ERICH3: variants seen among roughly 807,000 people sequenced by gnomAD.
ERICH3 encodes glutamate-rich protein 3.
A neutral mutation model predicts 131.1 loss-of-function variants in ERICH3; 126 were observed. The ratio of observed to expected loss-of-function variants is 0.96; its 90% confidence interval spans 0.83 to 1.11. ERICH3 has a LOEUF of 1.11. Among genes scored for constraint, ERICH3 ranks in the 50% most tolerant of loss-of-function variants. The pLI is 0.00. For synonymous variants in ERICH3, 695 were observed against 644.6 expected (o/e 1.08, Z -1.18); for missense variants, 2,050 against 1,810.7 (o/e 1.13, Z -2.40).
At chr1:74,584,874 T>C (rs1647260036) in intron 12 of ERICH3, among the ~76,000 whole-genome samples, 1 of 152,132 alleles carries the variant, frequency 6.6e-6, no homozygotes, top group African/African-American at 2.4e-5. Flanking sequence ...CATTCAGAAA[T>C]TGTATTTAGA....
chr1:74,658,648 AT>A (rs150865444), intron 1 of ERICH3, among the ~76,000 whole-genome samples: 1 of 152,078 alleles, frequency 6.6e-6, no homozygotes, highest in African/African-American at 2.4e-5. Context: ...AATGTCTGTC[AT>A]TTTTTTCCAC....
intron 11 of ERICH3, among the ~76,000 whole-genome samples, chr1:74,591,115 A>C (rs756825118): frequency 9.6e-4 from 146 of 152,294 alleles, no homozygotes; most frequent in Non-Finnish European, 8.8e-4. Context: ...ACATAGACAA[A>C]TATTTTTAGG....
intron 13 of ERICH3, among the ~76,000 whole-genome samples, chr1:74,575,141 T>C (rs1453511269): frequency 1.3e-5 from 2 of 152,218 alleles, no homozygotes; most frequent in East Asian, 1.9e-4. Context: ...TCTTCTCTAC[T>C]TTATACCCCA....
chr1:74,609,803 T>G (rs545099062), intron 9 of ERICH3, among the ~76,000 whole-genome samples: 1 of 152,134 alleles, frequency 6.6e-6, no homozygotes, highest in Non-Finnish European at 1.5e-5. Context: ...ATAGGCCTTA[T>G]TCTTTAATAT....
chr1:74,577,453 C>T (rs1647086063), intron 12 of ERICH3: 1 of 153,060 alleles, frequency 6.5e-6, no homozygotes. Flanking sequence ...TAGCCCAATG[C>T]CAAGGGTTCT....
Position 74,573,087 on chromosome 1 carries a change from C to T in ERICH3, c.2623G>A (p.Ala875Thr), listed in dbSNP as rs761705838. 6 of 1,613,974 alleles carry T rather than the reference C, an allele frequency of 3.7e-6. No individual in the cohort carries two copies. The Admixed American group carries it at 5.0e-5, about 13-fold the overall frequency. Residue 875 changes from alanine (A) to threonine (T), a missense_variant, in exon 14 of 15, where the codon GCT becomes ACT. Coordinates refer to ENST00000326665, the MANE Select transcript of ERICH3 (RefSeq NM_001002912.5). ...AGCATCAAGGCTTGCTTTTCAGGAGCCTCATCTTTACTCAGACCCACAGCA... is the reference window on the plus strand; with the variant it reads ...AGCATCAAGGCTTGCTTTTCAGGAGTCTCATCTTTACTCAGACCCACAGCA... ...KDAVGLSKDEAPEKQALMLTV... is the reference protein window; with the variant it reads ...KDAVGLSKDETPEKQALMLTV...
rs776460660 is a variant in ERICH3 at position 74,572,430 on chromosome 1, C to T, written c.3280G>A (p.Glu1094Lys). The change falls in exon 14 of 15, where the codon GAA (glutamate) becomes AAA (lysine). Residue 1094 changes from glutamate (E) to lysine (K), a missense_variant. Physicochemically the swap from Glu to Lys is moderately conservative, Grantham distance 56 (BLOSUM62 1). Transcript: ENST00000326665. The part of the protein sequence containing the change: ...NALKDEDAFK[E>K]EQKLKAEEGE... ...TCTTCCGCTTTAAGTTTTTGCTCTTCTTTAAAAGCATCTTCATCCTTGAGT... is the reference window on the plus strand; with the variant it reads ...TCTTCCGCTTTAAGTTTTTGCTCTTTTTTAAAAGCATCTTCATCCTTGAGT... The T allele has an allele frequency of 6.2e-7, 1 of 1,613,978 alleles. No individual in the cohort carries two copies. The highest frequency in any genetic ancestry group is 2.2e-5 in the East Asian group (1 of 44,866).
intron 12 of ERICH3, chr1:74,579,306 A>G (rs1471157328): frequency 1.4e-6 from 1 of 725,956 alleles, no homozygotes; most frequent in Non-Finnish European, 1.7e-6. Flanking sequence ...ATAGTCTATA[A>G]TATTAATAAT....
chr1:74,605,355 C>G (rs1278360951), intron 10 of ERICH3, among the ~76,000 whole-genome samples: 1 of 151,894 alleles, frequency 6.6e-6, no homozygotes, highest in Non-Finnish European at 1.5e-5. Flanking sequence ...TCTTTTTTAT[C>G]ATGCACATGT....
rs777337160 is a variant in ERICH3, at chr1:74,571,482, G to T, written c.4228C>A (p.Arg1410=). 1.2e-6 allele frequency: 2 copies of T among 1,614,000 alleles called. No individual in the cohort carries two copies. Among genetic ancestry groups the T allele is most frequent in the South Asian group, 2.2e-5 (2 of 91,072 alleles). ...GCTGCTGGCACTTCCTCCCCACTCC[G>T]TGCTAATTCCTCTACCACCACCTTC... ...AGKVVVEELA[R]SGEEVPAAEE... Residue 1410 remains arginine, a synonymous_variant, in exon 14 of 15, where the codon CGG becomes AGG. Coordinates refer to ENST00000326665, the MANE Select transcript of ERICH3 (RefSeq NM_001002912.5).
chr1:74,618,950 A>G (rs950745930), intron 8 of ERICH3, among the ~76,000 whole-genome samples: 2 of 152,218 alleles, frequency 1.3e-5, no homozygotes, highest in African/African-American at 4.8e-5. Context: ...TAGAAAGGGC[A>G]GATTCTTTTC....
intron 12 of ERICH3, 61 bp downstream of exon 12, chr1:74,589,570 T>A (rs1033423593): frequency 4.6e-6 from 7 of 1,508,842 alleles, no homozygotes; most frequent in Non-Finnish European, 6.4e-6. Context: ...CATAGTGCAA[T>A]GACCAAAATC....
intron 1 of ERICH3, among the ~76,000 whole-genome samples, chr1:74,666,220 A>G (rs1232651791): frequency 1.3e-5 from 2 of 152,112 alleles, no homozygotes; most frequent in Admixed American, 1.3e-4. Flanking sequence ...CTGCTCATCG[A>G]CCAAAAAAGT....
At chr1:74,641,812 A>T (rs1413951551) in intron 4 of ERICH3, among the ~76,000 whole-genome samples, 1 of 152,156 alleles carries the variant, frequency 6.6e-6, no homozygotes, top group East Asian at 1.9e-4. Flanking sequence ...TTAGGCAAAA[A>T]GTGTTCCATG....
intron 9 of ERICH3, 69 bp downstream of exon 9, chr1:74,612,554 A>C: frequency 7.6e-7 from 1 of 1,316,868 alleles, no homozygotes; most frequent in East Asian, 2.4e-5. Context: ...AGAGAAATGC[A>C]TTAGTAAAGG....
chr1:74,661,218 C>T (rs1272864633), intron 1 of ERICH3, among the ~76,000 whole-genome samples: 2 of 152,008 alleles, frequency 1.3e-5, no homozygotes, highest in African/African-American at 2.4e-5. Flanking sequence ...ATTTTAAATG[C>T]TCAGCCATTT....
rs748393986 is a variant in ERICH3, at chr1:74,572,175, C to G, written c.3535G>C (p.Gly1179Arg). ...TCTCTGGCTTCACTCAGTCTTTCCCCTCCTCCTTCTTTCCTCAGAGCTGTT... is the reference window on the plus strand; with the variant it reads ...TCTCTGGCTTCACTCAGTCTTTCCCGTCCTCCTTCTTTCCTCAGAGCTGTT... ...NITALRKEGG[G>R]ERLSEARDTE... Residue 1179 changes from glycine (G) to arginine (R), a missense_variant, in exon 14 of 15, where the codon GGG (glycine) becomes CGG (arginine). By Grantham distance (125) the Gly-to-Arg change is moderately radical (BLOSUM62 -2). Coordinates refer to ENST00000326665, the MANE Select transcript of ERICH3 (RefSeq NM_001002912.5). The G allele has an allele frequency of 3.1e-5, 40 of 1,299,054 alleles. No homozygotes were observed. Among genetic ancestry groups the G allele is most frequent in the Middle Eastern group, 2.0e-4 (1 of 5,082 alleles). 80.5% of individuals were successfully genotyped at this position (1,299,054 alleles called of 1,614,324 possible). A position where few individuals can be genotyped will look rare whatever the true frequency, so the allele number is the denominator to read the frequency against.
intron 7 of ERICH3, 89 bp from the exon 8 acceptor site, chr1:74,621,003 G>A: frequency 8.9e-7 from 1 of 1,122,508 alleles, no homozygotes; most frequent in Non-Finnish European, 1.2e-6. Context: ...AATAAAGAAG[G>A]TTATTTTTAA....
intron 11 of ERICH3, 51 bp downstream of exon 11, chr1:74,599,644 T>A: frequency 7.2e-7 from 1 of 1,384,914 alleles, no homozygotes; most frequent in Non-Finnish European, 9.9e-7. Flanking sequence ...AGAAAAGTAG[T>A]AAACACACTC....
Sources: gnomAD v4.1 joint callset for allele counts (sites outside exome capture counted in the v4.1 genomes callset) on GRCh38, gnomAD v4.1.1 for gene constraint, MANE v1.5 for transcripts, NCBI Gene and HGNC (gene_info 2026-07-23, HGNC 2026-07-21) for gene names.